MAD1L1: variants seen among roughly 807,000 people sequenced by gnomAD.
MAD1L1 encodes the protein mitotic spindle assembly checkpoint protein MAD1.
Under a neutral mutation model 96.9 loss-of-function variants are expected in MAD1L1, and 95 were observed. That is an observed-to-expected ratio of 0.98 (90% confidence interval 0.83 to 1.16). MAD1L1 has a LOEUF of 1.16. MAD1L1 is among the 50% of genes most tolerant of loss of function. The probability of loss-of-function intolerance (pLI) is 0.00; values close to 1 mark genes in which losing one functional copy is unlikely to be tolerated. For missense variants in MAD1L1, 1,007 were observed against 954.4 expected (o/e 1.06, Z -0.73); for synonymous variants, 473 against 396.6 (o/e 1.19, Z -2.29).
chr7:1,841,632 G>C (rs1783263703), intron 18 of MAD1L1, among the ~76,000 whole-genome samples: 1 of 152,242 alleles, frequency 6.6e-6, no homozygotes. Flanking sequence ...AGCTGGACGA[G>C]CCCACAGTGG....
Position 1,882,871 on chromosome 7 carries a change from T to C in MAD1L1, c.1998+15329A>G, listed in dbSNP as rs573747319. 5.1e-4 allele frequency among the ~76,000 whole-genome samples: 78 copies of C among 152,322 alleles called. 2 individuals carry two copies. In the South Asian group the frequency reaches 0.013, roughly 25 times the overall value. The stretch of plus-strand genomic sequence containing the variant: ...TGGCAGTTTTGCTCCTTTAGAAATG[T>C]AGAGAACTGAAGTCTTGAGAAACAC... On this transcript the variant is annotated intron_variant, in intron 18 of 18. Transcript: ENST00000265854.
intron 10 of MAD1L1, among the ~76,000 whole-genome samples, chr7:2,185,184 C>A (rs1423764888): frequency 1.4e-5 from 2 of 138,048 alleles, no homozygotes; most frequent in African/African-American, 5.8e-5. Context: ...TTGGGGTGTG[C>A]AGTGTAGATC....
At chr7:2,007,605 C>T (rs762531190) in intron 13 of MAD1L1, among the ~76,000 whole-genome samples, 12 of 152,206 alleles carry the variant, frequency 7.9e-5, no homozygotes, top group Non-Finnish European at 1.3e-4. Context: ...ACCCGGCAAG[C>T]GGAGGCTGCA....
At chr7:1,943,254 C>T (rs964828334) in intron 16 of MAD1L1, among the ~76,000 whole-genome samples, 9 of 152,224 alleles carry the variant, frequency 5.9e-5, no homozygotes, top group African/African-American at 2.2e-4. Flanking sequence ...AAGAAAATAA[C>T]AGGTAATCAG....
intron 14 of MAD1L1, chr7:1,980,797 T>C (rs1780869289): frequency 3.3e-6 from 2 of 597,032 alleles, no homozygotes; most frequent in Non-Finnish European, 6.5e-6. Flanking sequence ...CGGTGAGGTG[T>C]GTGGGGTGCA....
intron 12 of MAD1L1, among the ~76,000 whole-genome samples, chr7:2,037,807 G>A (rs569896478): frequency 5.1e-4 from 78 of 152,094 alleles, no homozygotes; most frequent in Non-Finnish European, 8.7e-4. Context: ...TATTCCCTGG[G>A]CGACACAACA....
chr7:2,140,207 C>T (rs1324329427), intron 11 of MAD1L1, among the ~76,000 whole-genome samples: 1 of 152,234 alleles, frequency 6.6e-6, no homozygotes, highest in Non-Finnish European at 1.5e-5. Flanking sequence ...GTGGCTTCCT[C>T]TGGGCCTTCC....
At chr7:2,201,076 GGTGATCCT>G (rs1792269754) in intron 10 of MAD1L1, among the ~76,000 whole-genome samples, 1 of 152,210 alleles carries the variant, frequency 6.6e-6, no homozygotes, top group Non-Finnish European at 1.5e-5. Context: ...AGTGACCCCA[GGTGATCCT>G]GTAGAGGTCA....
chr7:2,008,312 G>C (rs532313324), intron 13 of MAD1L1, among the ~76,000 whole-genome samples: 2 of 152,336 alleles, frequency 1.3e-5, no homozygotes, highest in African/African-American at 4.8e-5. Flanking sequence ...CTGTGATGGA[G>C]GCAGTGGGTG....
chr7:2,069,350 A>G lies in MAD1L1; in HGVS notation c.1074-12T>C. 6.3e-7 allele frequency: 1 copy of G among 1,576,184 alleles called. No individual in the cohort carries two copies. The highest frequency in any genetic ancestry group is 8.6e-7 in the Non-Finnish European group (1 of 1,167,274). On this transcript the variant is annotated splice_polypyrimidine_tract_variant and intron_variant, in intron 11 of 18. Transcript: ENST00000265854. ...CCAGCCCCCGGGCGCTGCATGGGAG[A>G]GACAAGAGGGCAAAGCAATGAAGCC...
At chr7:2,204,261 G>A (rs139902180) in intron 10 of MAD1L1, among the ~76,000 whole-genome samples, 1 of 152,278 alleles carries the variant, frequency 6.6e-6, no homozygotes, top group African/African-American at 2.4e-5. Context: ...AGTCCAAGTC[G>A]CCACTAAGGA....
chr7:1,844,520 G>A (rs1419342033), intron 18 of MAD1L1, among the ~76,000 whole-genome samples: 2 of 152,174 alleles, frequency 1.3e-5, no homozygotes, highest in Non-Finnish European at 2.9e-5. Context: ...GCAGGGGGCA[G>A]AGGCGGCCCA....
At chr7:2,040,836 A>G (rs758196845) in intron 12 of MAD1L1, among the ~76,000 whole-genome samples, 2 of 152,230 alleles carry the variant, frequency 1.3e-5, no homozygotes, top group Non-Finnish European at 2.9e-5. Context: ...GGATCAAAGA[A>G]AATGCGTCAA....
chr7:1,939,637 G>C (rs539021451), intron 16 of MAD1L1, among the ~76,000 whole-genome samples: 1 of 152,322 alleles, frequency 6.6e-6, no homozygotes. Flanking sequence ...CACCCTTGGG[G>C]CTTCTGCCCA....
intron 12 of MAD1L1, among the ~76,000 whole-genome samples, chr7:2,045,185 G>A (rs761051036): frequency 2.0e-5 from 3 of 152,172 alleles, no homozygotes; most frequent in African/African-American, 7.2e-5. Context: ...TCTGCTCCAG[G>A]CCAGGAGCAC....
chr7:2,031,154 A>C (rs562554728), intron 12 of MAD1L1, among the ~76,000 whole-genome samples: 1 of 152,148 alleles, frequency 6.6e-6, no homozygotes, highest in Non-Finnish European at 1.5e-5. Context: ...GAGGCTGAAC[A>C]CCAGGCCGCT....
intron 10 of MAD1L1, among the ~76,000 whole-genome samples, chr7:2,164,451 T>C (rs1439692941): frequency 1.3e-5 from 2 of 152,172 alleles, no homozygotes; most frequent in African/African-American, 4.8e-5. Context: ...TGGACCCCTG[T>C]GACGGTTGCT....
chr7:1,848,071 G>T, intron 18 of MAD1L1: 2 of 320,650 alleles, frequency 6.2e-6, no homozygotes, highest in South Asian at 5.2e-5. Flanking sequence ...CGGGGCTGGG[G>T]TGTGCAGAGA....
At chr7:2,090,072 C>CA (rs1220263005) in intron 11 of MAD1L1, among the ~76,000 whole-genome samples, 3 of 152,226 alleles carry the variant, frequency 2.0e-5, no homozygotes, top group Non-Finnish European at 4.4e-5. Context: ...TCAGGAATGG[C>CA]ATGGTCGTGT....
Sources: allele counts gnomAD v4.1 joint callset (sites outside exome capture counted in the v4.1 genomes callset), GRCh38; gene constraint gnomAD v4.1.1; transcripts MANE v1.5; gene names NCBI Gene and HGNC (gene_info 2026-07-23, HGNC 2026-07-21).